PCOLCE2: variants seen among roughly 807,000 people sequenced by gnomAD.
PCOLCE2 encodes procollagen C-endopeptidase enhancer 2, also known as procollagen C-proteinase enhancer 2.
PCOLCE2 carries 42 observed loss-of-function variants against 47.0 expected under a neutral mutation model. The ratio of observed to expected loss-of-function variants is 0.89; its 90% CI spans 0.70 to 1.16. The LOEUF is 1.16. Among genes scored for constraint, PCOLCE2 ranks in the 50% most tolerant of loss-of-function variants. The pLI, the probability that PCOLCE2 is intolerant of heterozygous loss-of-function variation, is 0.00. For synonymous variants in PCOLCE2, 169 were observed against 191.7 expected, an observed-to-expected ratio of 0.88 and a Z score of 0.98; for missense variants, 500 against 526.1, an observed-to-expected ratio of 0.95 and a Z score of 0.49.
rs1560127650 is a variant in PCOLCE2 at position 142,818,412 on chromosome 3, T to A, written c.1171A>T (p.Met391Leu). Reference protein sequence around the residue: ...QVGEDGRGKIMPNSFIMMFKT... With the variant: ...QVGEDGRGKILPNSFIMMFKT... The stretch of plus-strand genomic sequence containing the variant: ...AACATCATGATAAAGCTGTTTGGCA[T>A]GATTTTGCCTCGCCCATCTTCACCT... The change falls in exon 9 of 9, where the codon ATG becomes TTG. Residue 391 changes from methionine to leucine, a missense_variant. Physicochemically the swap from Met to Leu is conservative, Grantham distance 15. Coordinates refer to ENST00000295992, the MANE Select transcript of PCOLCE2 (RefSeq NM_013363.4). 6.2e-7 allele frequency: 1 copy of A among 1,613,342 alleles called. No homozygotes were observed.
At chr3:142,873,219 C>A (rs1183044782) in intron 2 of PCOLCE2, among the ~76,000 whole-genome samples, 3 of 151,862 alleles carry the variant, frequency 2.0e-5, no homozygotes, top group South Asian at 2.1e-4. Context: ...CATGGTGAAA[C>A]CCCGTCTCTA....
chr3:142,887,895 T>A, intron 1 of PCOLCE2, 118 bp from the exon 2 acceptor site: 4 of 627,970 alleles, frequency 6.4e-6, no homozygotes, highest in Non-Finnish European at 1.1e-5. Context: ...GATTAATCAA[T>A]GCTTGCACCA....
chr3:142,854,038 G>A (rs145307492), intron 2 of PCOLCE2, among the ~76,000 whole-genome samples: 8 of 152,274 alleles, frequency 5.3e-5, no homozygotes, highest in Non-Finnish European at 8.8e-5. Context: ...ATTTTAAGCT[G>A]ATGGTTTGCA....
intron 5 of PCOLCE2, 49 bp downstream of exon 5, chr3:142,838,721 C>T: frequency 6.6e-7 from 1 of 1,512,374 alleles, no homozygotes; most frequent in Non-Finnish European, 9.1e-7. Context: ...GAACAAGAAA[C>T]AAGTTTAGAG....
intron 8 of PCOLCE2, among the ~76,000 whole-genome samples, chr3:142,818,712 C>G (rs534617268): frequency 1.1e-4 from 17 of 152,284 alleles, no homozygotes; most frequent in South Asian, 6.2e-4. Context: ...TCCAAAGTAG[C>G]TGGGACTACA....
rs368000184 is a variant in PCOLCE2 at position 142,886,276 on chromosome 3, G to C, written c.192+1393C>G. ...CACATCAACCTGTCCGCAATACTCA[G>C]AACACATGGCCAACCATGAATTTCT... On this transcript the variant is annotated intron_variant, in intron 2 of 8. Coordinates refer to ENST00000295992, the MANE Select transcript of PCOLCE2 (RefSeq NM_013363.4). 4.6e-5 allele frequency among the ~76,000 whole-genome samples: 7 copies of C among 152,290 alleles called. No individual in the cohort carries two copies. In the South Asian group the frequency reaches 1.4e-3, roughly 32 times the overall value.
intron 3 of PCOLCE2, among the ~76,000 whole-genome samples, chr3:142,846,949 T>C (rs527855509): frequency 6.6e-6 from 1 of 152,380 alleles, no homozygotes; most frequent in Non-Finnish European, 1.5e-5. Context: ...ACATGTGAGT[T>C]ACCTTGAGAT....
intron 5 of PCOLCE2, among the ~76,000 whole-genome samples, chr3:142,837,122 G>A (rs1025524802): frequency 1.3e-5 from 2 of 152,220 alleles, no homozygotes; most frequent in African/African-American, 4.8e-5. Context: ...ACACTTTGCC[G>A]ATGAAGGAAG....
intron 2 of PCOLCE2, among the ~76,000 whole-genome samples, chr3:142,861,302 T>C (rs1023950892): frequency 1.3e-5 from 2 of 152,228 alleles, no homozygotes; most frequent in Non-Finnish European, 2.9e-5. Context: ...TCTTTCTTCA[T>C]TCATTTGTGC....
chr3:142,881,217 G>A (rs1933604309), intron 2 of PCOLCE2, among the ~76,000 whole-genome samples: 1 of 152,274 alleles, frequency 6.6e-6, no homozygotes, highest in East Asian at 1.9e-4. Flanking sequence ...TGGTATCCCT[G>A]AGTCAGAAAG....
intron 2 of PCOLCE2, 106 bp from the exon 3 acceptor site, chr3:142,848,578 C>T (rs1222444783): frequency 4.0e-6 from 4 of 1,007,002 alleles, no homozygotes; most frequent in East Asian, 2.4e-5. Flanking sequence ...CAAGATAATG[C>T]TTTTTCCTCT....
Position 142,818,455 on chromosome 3 carries a change from G to C in PCOLCE2, c.1128C>G (p.Tyr376Ter). ...QCPLLRRGLN[Y>*]IIMGQVGEDG... ...CTTCACCTACTTGGCCCATAATAATGTAATTTAGACCTAAAGAAAGAGAAT... is the reference window on the plus strand; with the variant it reads ...CTTCACCTACTTGGCCCATAATAATCTAATTTAGACCTAAAGAAAGAGAAT... Residue 376 changes from tyrosine (Y) to a stop codon, truncating the protein, a stop_gained, in exon 9 of 9, where the codon TAC (tyrosine) becomes TAG (stop). Coordinates refer to ENST00000295992, the MANE Select transcript of PCOLCE2 (RefSeq NM_013363.4). LOFTEE classifies it high-confidence loss of function. 1 of 1,610,724 alleles carries C rather than the reference G, an allele frequency of 6.2e-7. No homozygotes were observed.
At chr3:142,858,634 T>A (rs371452322) in intron 2 of PCOLCE2, among the ~76,000 whole-genome samples, 4 of 152,010 alleles carry the variant, frequency 2.6e-5, no homozygotes, top group South Asian at 4.2e-4. Context: ...CACTAAGACA[T>A]GTGAGAGATG....
Position 142,829,763 on chromosome 3 carries a change from T to C in PCOLCE2, c.794A>G (p.Tyr265Cys). ...SLTADGFIGH[Y>C]IFRPKKLPTT... ...AGGCAGTTTTTTTGGCCTGAATATG[T>C]AGTGACCAATAAACCCATCTGCAGT... Residue 265 changes from tyrosine (Y) to cysteine (C), a missense_variant, in exon 6 of 9, where the codon TAC (tyrosine) becomes TGC (cysteine). Coordinates refer to ENST00000295992, the MANE Select transcript of PCOLCE2 (RefSeq NM_013363.4). 1.2e-6 allele frequency: 2 copies of C among 1,610,292 alleles called. No individual in the cohort carries two copies. Among genetic ancestry groups the C allele is most frequent in the Non-Finnish European group, 1.7e-6 (2 of 1,176,992 alleles).
chr3:142,826,982 G>T, intron 6 of PCOLCE2: 1 of 582,412 alleles, frequency 1.7e-6, no homozygotes, highest in Non-Finnish European at 3.0e-6. Context: ...TCCTCCTCCT[G>T]CCCTCAATCT....
At position 142,847,878 on chromosome 3, in the gene PCOLCE2, A is replaced by G. The variant is rs866676749; in HGVS notation, c.448+339T>C. ...AAAGCTATTGTATAAGTACTCAAATAAAAGCAAGCACACATAGAAAGGTAT... is the reference window on the plus strand; with the variant it reads ...AAAGCTATTGTATAAGTACTCAAATGAAAGCAAGCACACATAGAAAGGTAT... On this transcript the variant is annotated intron_variant, in intron 3 of 8. Transcript: ENST00000295992. Among the ~76,000 whole-genome samples, 3 of 152,324 alleles carry G rather than the reference A, an allele frequency of 2.0e-5. No individual in the cohort carries two copies. In the Middle Eastern group the frequency reaches 0.01, roughly 518 times the overall value.
intron 4 of PCOLCE2, among the ~76,000 whole-genome samples, chr3:142,839,807 T>C (rs1937246062): frequency 6.6e-6 from 1 of 152,094 alleles, no homozygotes; most frequent in Non-Finnish European, 1.5e-5. Flanking sequence ...TATACCTCAA[T>C]AAAGCTGCAG....
chr3:142,819,086 C>T (rs1936984484), intron 8 of PCOLCE2, among the ~76,000 whole-genome samples: 1 of 152,192 alleles, frequency 6.6e-6, no homozygotes, highest in African/African-American at 2.4e-5. Flanking sequence ...ACATCTCAAA[C>T]ATGTATGCTA....
intron 2 of PCOLCE2, among the ~76,000 whole-genome samples, chr3:142,858,735 A>ATG (rs113491195): frequency 0.35 from 49,263 of 140,350 alleles, 7,958 homozygotes; most frequent in African/African-American, 0.37. Flanking sequence ...GTGTGTGTGT[A>ATG]TGTGTGTGTG....
Sources: gnomAD v4.1 joint callset for allele counts (sites outside exome capture counted in the v4.1 genomes callset) on GRCh38, gnomAD v4.1.1 for gene constraint, MANE v1.5 for transcripts, NCBI Gene and HGNC (gene_info 2026-07-23, HGNC 2026-07-21) for gene names.